The following GPC6 variants were observed in gnomAD, a reference collection of about 807,000 sequenced individuals.
GPC6 encodes the protein glypican 6, also known as glypican-6.
In GPC6, 14 loss-of-function variants were observed where a neutral mutation model predicts 55.2. That is an observed-to-expected ratio of 0.25 (90% CI 0.17 to 0.40). GPC6 has a LOEUF of 0.40. Ranked by LOEUF, GPC6 falls within the 10% of genes least tolerant of loss-of-function variation. The pLI, the probability that GPC6 is intolerant of heterozygous loss-of-function variation, is 1.00. For missense variants in GPC6, 641 were observed against 708.5 expected (o/e 0.90, Z 1.08); for synonymous variants, 278 against 259.6 (o/e 1.07, Z -0.68).
intron 4 of GPC6, among the ~76,000 whole-genome samples, chr13:94,044,152 C>T (rs1360702419): frequency 6.6e-6 from 1 of 151,796 alleles, no homozygotes; most frequent in Non-Finnish European, 1.5e-5. Context: ...TTTTGCCACC[C>T]ACTCTTTGCA....
chr13:94,214,512 A>G (rs1177750049), intron 4 of GPC6, among the ~76,000 whole-genome samples: 1 of 152,160 alleles, frequency 6.6e-6, no homozygotes, highest in Non-Finnish European at 1.5e-5. Flanking sequence ...AGTTACCTAA[A>G]GTTGTTTTTA....
At chr13:93,415,633 G>GC (rs1876670519) in intron 1 of GPC6, among the ~76,000 whole-genome samples, 1 of 152,068 alleles carries the variant, frequency 6.6e-6, no homozygotes, top group Non-Finnish European at 1.5e-5. Context: ...ATGCTTTCTA[G>GC]CACCAATACA....
At chr13:93,376,823 A>T (rs1874921857) in intron 1 of GPC6, among the ~76,000 whole-genome samples, 1 of 151,218 alleles carries the variant, frequency 6.6e-6, no homozygotes, top group Non-Finnish European at 1.5e-5. Flanking sequence ...TATATATAAA[A>T]TGTCCTGGCT....
intron 4 of GPC6, among the ~76,000 whole-genome samples, chr13:94,130,807 G>A (rs765968809): frequency 3.3e-5 from 5 of 152,118 alleles, no homozygotes; most frequent in Non-Finnish European, 7.4e-5. Context: ...TGACAGTGGA[G>A]TAGTAAATAC....
chr13:93,449,106 C>T (rs1878117481), intron 1 of GPC6, among the ~76,000 whole-genome samples: 1 of 152,188 alleles, frequency 6.6e-6, no homozygotes, highest in Non-Finnish European at 1.5e-5. Context: ...ATAGTATAGG[C>T]ACTTAATAAA....
At chr13:93,225,267 T>A (rs550600957), upstream of GPC6, among the ~76,000 whole-genome samples, 2 of 152,308 alleles carry the variant, frequency 1.3e-5, no homozygotes, top group East Asian at 3.9e-4. Flanking sequence ...ATGACAGAAG[T>A]AATAACTTGA....
At chr13:94,130,055 C>T (rs542303215) in intron 4 of GPC6, among the ~76,000 whole-genome samples, 3 of 152,142 alleles carry the variant, frequency 2.0e-5, no homozygotes, top group Admixed American at 2.0e-4. Context: ...ATATTCATTG[C>T]ATTGATGGAG....
In GPC6 at chr13:93,488,474, G is replaced by C. The variant is rs369910390; in HGVS notation, c.161-56789G>C. Among the ~76,000 whole-genome samples the C allele has an allele frequency of 5.9e-5, 9 of 152,252 alleles. 1 individual carries two copies. The East Asian group carries it at 1.4e-3, about 23-fold the overall frequency. On this transcript the variant is annotated intron_variant, in intron 1 of 8. Transcript: ENST00000377047. ...TAGCAGCATGATTTATAATCCTTTG[G>C]CTATATACCCAGTAATGGGATGGCT...
intron 1 of GPC6, among the ~76,000 whole-genome samples, chr13:93,508,593 CA>C (rs1285989220): frequency 6.6e-6 from 1 of 152,138 alleles, no homozygotes; most frequent in Non-Finnish European, 1.5e-5. Context: ...TATGTATTAA[CA>C]AAAGGTTTAC....
intron 1 of GPC6, among the ~76,000 whole-genome samples, chr13:93,494,231 G>A (rs1880158611): frequency 7.6e-6 from 1 of 130,754 alleles, no homozygotes; most frequent in Non-Finnish European, 1.6e-5. Context: ...TATATATTTA[G>A]GATAGTTAGC....
chr13:93,618,240 T>C (rs1594315522), intron 2 of GPC6, among the ~76,000 whole-genome samples: 1 of 152,156 alleles, frequency 6.6e-6, no homozygotes, highest in Admixed American at 6.6e-5. Context: ...TGTATGTATG[T>C]GTTTATGTGT....
intron 3 of GPC6, among the ~76,000 whole-genome samples, chr13:93,852,397 T>C (rs537702375): frequency 6.6e-5 from 10 of 151,890 alleles, no homozygotes; most frequent in South Asian, 4.1e-4. Flanking sequence ...CAAAGTATCT[T>C]TAAGGCTACA....
chr13:94,118,251 G>A (rs1886503234), intron 4 of GPC6, among the ~76,000 whole-genome samples: 1 of 152,062 alleles, frequency 6.6e-6, no homozygotes, highest in Admixed American at 6.6e-5. Flanking sequence ...TAGTGAGTGA[G>A]TTCTCACAAG....
intron 4 of GPC6, among the ~76,000 whole-genome samples, chr13:94,214,372 A>C (rs1890168325): frequency 6.6e-6 from 1 of 152,210 alleles, no homozygotes; most frequent in Non-Finnish European, 1.5e-5. Flanking sequence ...CTCCCATGGG[A>C]CAGATTCAGT....
intron 2 of GPC6, among the ~76,000 whole-genome samples, chr13:93,629,988 C>G (rs970424512): frequency 6.6e-6 from 1 of 152,056 alleles, no homozygotes; most frequent in African/African-American, 2.4e-5. Context: ...ATAATTGTAC[C>G]TAATCTCAAG....
intron 3 of GPC6, among the ~76,000 whole-genome samples, chr13:93,841,358 A>G (rs1245440195): frequency 6.6e-6 from 1 of 152,182 alleles, no homozygotes; most frequent in African/African-American, 2.4e-5. Flanking sequence ...AGAGGGGGGT[A>G]TGTTATTACA....
chr13:94,341,818 A>G (rs1357558558), intron 6 of GPC6, among the ~76,000 whole-genome samples: 1 of 152,248 alleles, frequency 6.6e-6, no homozygotes, highest in African/African-American at 2.4e-5. Flanking sequence ...ACAGACCAGC[A>G]ATTAATGAAT....
At chr13:93,711,554 A>C (rs2138809246) in intron 2 of GPC6, among the ~76,000 whole-genome samples, 1 of 151,192 alleles carries the variant, frequency 6.6e-6, no homozygotes, top group East Asian at 2.0e-4. Flanking sequence ...ATCAGACATA[A>C]ATATGTCATC....
intron 1 of GPC6, among the ~76,000 whole-genome samples, chr13:93,287,090 A>G (rs777020329): frequency 2.6e-4 from 40 of 152,090 alleles, no homozygotes; most frequent in Non-Finnish European, 4.9e-4. Flanking sequence ...TCATGTTTAA[A>G]CTTGGGTCTG....
Sources: gnomAD v4.1 joint callset for allele counts (sites outside exome capture counted in the v4.1 genomes callset) on GRCh38, gnomAD v4.1.1 for gene constraint, MANE v1.5 for transcripts, NCBI Gene and HGNC (gene_info 2026-07-23, HGNC 2026-07-21) for gene names.